Variants in MAP3K5 observed in about 807,000 individuals in gnomAD.
The protein encoded by MAP3K5 is mitogen-activated protein kinase kinase kinase 5.
MAP3K5 carries 56 observed loss-of-function variants against 158.7 expected under a neutral mutation model. The observed-to-expected ratio is 0.35, with a 90% CI of 0.28 to 0.44. The LOEUF (loss-of-function observed/expected upper bound fraction) is 0.44, where lower values mean the gene tolerates loss of function less well. Ranked by LOEUF, MAP3K5 falls within the 20% of genes least tolerant of loss-of-function variation. The probability of loss-of-function intolerance (pLI) is 1.00; values close to 1 mark genes in which losing one functional copy is unlikely to be tolerated. For missense variants in MAP3K5, 1,294 were observed against 1,674.8 expected (o/e 0.77, Z 3.97); for synonymous variants, 579 against 601.7 (o/e 0.96, Z 0.55).
intron 1 of MAP3K5, among the ~76,000 whole-genome samples, chr6:136,724,813 CTT>C (rs920008271): frequency 1.3e-5 from 2 of 152,072 alleles, no homozygotes; most frequent in African/African-American, 4.8e-5. Context: ...AATTCATTCT[CTT>C]TGTCTCTGAT....
chr6:136,735,685 C>T (rs1367040367), intron 1 of MAP3K5, among the ~76,000 whole-genome samples: 1 of 151,978 alleles, frequency 6.6e-6, no homozygotes, highest in Non-Finnish European at 1.5e-5. Flanking sequence ...TTAAAAATAG[C>T]TGGGTGTGGT....
chr6:136,573,392 C>T (rs2129072177), intron 25 of MAP3K5, among the ~76,000 whole-genome samples: 1 of 152,322 alleles, frequency 6.6e-6, no homozygotes, highest in Non-Finnish European at 1.5e-5. Context: ...CTCCAGTTTA[C>T]TGATGTTATA....
chr6:136,645,919 G>T (rs1352439894), intron 11 of MAP3K5, among the ~76,000 whole-genome samples: 1 of 152,140 alleles, frequency 6.6e-6, no homozygotes, highest in African/African-American at 2.4e-5. Context: ...TAAACATTCT[G>T]TGATAAAAAC....
At chr6:136,664,030 G>A (rs543796930) in intron 8 of MAP3K5, among the ~76,000 whole-genome samples, 1 of 152,280 alleles carries the variant, frequency 6.6e-6, no homozygotes, top group African/African-American at 2.4e-5. Flanking sequence ...ACAGTTACTG[G>A]TCTGTGACCT....
chr6:136,562,659 T>C, intron 26 of MAP3K5, 44 bp from the exon 27 acceptor site: 2 of 1,013,808 alleles, frequency 2.0e-6, no homozygotes, highest in Non-Finnish European at 1.5e-6. Flanking sequence ...TGACACAGGG[T>C]GACCTTCTTT....
chr6:136,571,452 C>T (rs1774361689), intron 25 of MAP3K5, among the ~76,000 whole-genome samples: 2 of 152,198 alleles, frequency 1.3e-5, no homozygotes. Context: ...CTCCCTCCCA[C>T]TTGCTGAACT....
intron 1 of MAP3K5, among the ~76,000 whole-genome samples, chr6:136,731,756 T>C (rs1283692209): frequency 6.6e-6 from 1 of 152,020 alleles, no homozygotes; most frequent in Non-Finnish European, 1.5e-5. Flanking sequence ...GAATACAAGA[T>C]GAGGAAATGG....
In MAP3K5 at chr6:136,567,670, A is replaced by C; in HGVS notation, c.3722T>G (p.Leu1241Arg). 1.2e-6 allele frequency: 2 copies of C among 1,614,208 alleles called. No individual in the cohort carries two copies. The highest frequency in any genetic ancestry group is 1.7e-6 in the Non-Finnish European group (2 of 1,180,032). ...SHDSQSAHRS[L>R]NVQLGRMKIE... ...TTTCATCCTTCCAAGCTGTACATTC[A>C]GTGACCGGTGAGCACTCTGGGAATC... is the stretch of plus-strand genomic sequence containing the variant. The change falls in exon 26 of 30, where the codon CTG becomes CGG. Residue 1241 changes from leucine (L) to arginine (R), a missense_variant. Leu to Arg is a moderately radical substitution (Grantham distance 102). Transcript: ENST00000359015.
chr6:136,743,278 G>C lies in MAP3K5; in HGVS notation c.449-22689C>G, dbSNP rs369116260. On this transcript the variant is annotated intron_variant, in intron 1 of 29. Coordinates refer to ENST00000359015, the MANE Select transcript of MAP3K5 (RefSeq NM_005923.4). ...ATCCTGGCTAACACGGTGAAACCCC[G>C]TGTCTACTAAAAATACAAAAAATTA... is the stretch of plus-strand genomic sequence containing the variant. Among the ~76,000 whole-genome samples the C allele has an allele frequency of 3.0e-4, 46 of 152,116 alleles. No individual in the cohort carries two copies. The East Asian group carries it at 7.7e-3, about 26-fold the overall frequency.
intron 14 of MAP3K5, among the ~76,000 whole-genome samples, chr6:136,623,854 A>G (rs1387769519): frequency 1.3e-5 from 2 of 152,232 alleles, no homozygotes. Context: ...CTGGCAGTCC[A>G]TAGTTAGATT....
chr6:136,603,099 C>T (rs1421971488), intron 19 of MAP3K5, among the ~76,000 whole-genome samples: 1 of 151,756 alleles, frequency 6.6e-6, no homozygotes, highest in East Asian at 1.9e-4. Flanking sequence ...TAGCCGATAC[C>T]ATGTGTCAGA....
intron 1 of MAP3K5, among the ~76,000 whole-genome samples, chr6:136,757,066 T>C (rs1201019946): frequency 6.6e-6 from 1 of 152,160 alleles, no homozygotes; most frequent in East Asian, 1.9e-4. Context: ...TAGAAATCGA[T>C]AGGAAGACTT....
At chr6:136,567,263 A>T (rs2129069881) in intron 26 of MAP3K5, among the ~76,000 whole-genome samples, 1 of 152,308 alleles carries the variant, frequency 6.6e-6, no homozygotes, top group African/African-American at 2.4e-5. Flanking sequence ...CCTCTCCTAT[A>T]AAGACTTGAC....
intron 28 of MAP3K5, among the ~76,000 whole-genome samples, chr6:136,559,583 T>C (rs1425780358): frequency 6.6e-6 from 1 of 152,252 alleles, no homozygotes; most frequent in Non-Finnish European, 1.5e-5. Context: ...CCTGGAAAGG[T>C]ACTGCCTATG....
chr6:136,583,410 T>C (rs1242353188), intron 24 of MAP3K5, 145 bp downstream of exon 24: 1 of 716,402 alleles, frequency 1.4e-6, no homozygotes, highest in South Asian at 2.2e-5. Flanking sequence ...AGAAGCACAC[T>C]GAGAGGCGAA....
intron 25 of MAP3K5, among the ~76,000 whole-genome samples, chr6:136,576,499 G>A (rs747698170): frequency 6.6e-6 from 1 of 151,974 alleles, no homozygotes; most frequent in South Asian, 2.1e-4. Flanking sequence ...TAGAGACAGG[G>A]TCTTGATATT....
intron 1 of MAP3K5, among the ~76,000 whole-genome samples, chr6:136,750,238 T>C (rs577818926): frequency 6.6e-6 from 1 of 152,258 alleles, no homozygotes; most frequent in African/African-American, 2.4e-5. Flanking sequence ...CGAGCACGCC[T>C]GGCTAATTTT....
In MAP3K5 at chr6:136,676,937, G is replaced by T. The variant is rs796299049; in HGVS notation, c.1254-7542C>A. On this transcript the variant is annotated intron_variant, in intron 7 of 29. Coordinates refer to ENST00000359015, the MANE Select transcript of MAP3K5 (RefSeq NM_005923.4). ...CTCCCGAGTAGCTGGGATTACAGGT[G>T]CACGCCACCACGCCCAGCTAATTTT... is the stretch of plus-strand genomic sequence containing the variant. Among the ~76,000 whole-genome samples, 7 of 150,856 alleles carry T rather than the reference G, an allele frequency of 4.6e-5. 1 individual carries two copies. The highest frequency in any genetic ancestry group is 1.7e-4 in the African/African-American group (7 of 41,126).
chr6:136,667,179 A>G (rs912277732), intron 8 of MAP3K5, among the ~76,000 whole-genome samples: 3 of 152,228 alleles, frequency 2.0e-5, no homozygotes, highest in Admixed American at 2.0e-4. Context: ...TAAGAACAGA[A>G]CAATAAATAT....
Sources: allele counts gnomAD v4.1 joint callset (sites outside exome capture counted in the v4.1 genomes callset), GRCh38; gene constraint gnomAD v4.1.1; transcripts MANE v1.5; gene names NCBI Gene and HGNC (gene_info 2026-07-23, HGNC 2026-07-21).